The following COL6A5 variants were observed in gnomAD, a reference collection of about 807,000 sequenced individuals.
COL6A5 encodes collagen type VI alpha 5 chain.
In COL6A5, 48 loss-of-function variants were observed where a neutral mutation model predicts 65.6. The ratio of observed to expected loss-of-function variants is 0.73; its 90% CI spans 0.58 to 0.93. The LOEUF (loss-of-function observed/expected upper bound fraction) is 0.93. Ranked by LOEUF, COL6A5 falls within the 40% of genes least tolerant of loss-of-function variation. The pLI, the probability that COL6A5 is intolerant of heterozygous loss-of-function variation, is 0.00. For synonymous variants in COL6A5, 291 were observed against 322.8 expected (o/e 0.90, Z 1.05); for missense variants, 914 against 928.3 (o/e 0.98, Z 0.20).
intron 1 of COL6A5, among the ~76,000 whole-genome samples, chr3:130,351,169 G>A (rs1326583249): frequency 6.6e-6 from 1 of 152,088 alleles, no homozygotes; most frequent in Non-Finnish European, 1.5e-5. Flanking sequence ...AATTCAAGAT[G>A]GATTAAAGAT....
chr3:130,388,644 A>G, exon 6 of COL6A5: 1 of 1,551,180 alleles, frequency 6.4e-7, no homozygotes, highest in Non-Finnish European at 8.7e-7. Flanking sequence ...TAGGAAATGA[A>G]AATTTTAGGA....
intron 1 of COL6A5, among the ~76,000 whole-genome samples, chr3:130,352,226 C>A (rs1286880970): frequency 6.6e-6 from 1 of 151,666 alleles, no homozygotes; most frequent in Non-Finnish European, 1.5e-5. Flanking sequence ...TTGATGGATA[C>A]AGCAAACCAC....
intron 1 of COL6A5, among the ~76,000 whole-genome samples, chr3:130,346,566 A>G (rs1055056467): frequency 2.0e-4 from 30 of 152,302 alleles, no homozygotes; most frequent in African/African-American, 6.7e-4. Flanking sequence ...GAGATTTCCT[A>G]AGAACAGCAC....
intron 1 of COL6A5, among the ~76,000 whole-genome samples, chr3:130,349,257 GAATGGAAT>G (rs1934615747): frequency 6.6e-6 from 1 of 152,230 alleles, no homozygotes; most frequent in Non-Finnish European, 1.5e-5. Flanking sequence ...AACATGAAGA[GAATGGAAT>G]AATGGAATTA....
chr3:130,449,795 C>T (rs112482478), intron 4 of COL6A5, among the ~76,000 whole-genome samples: 3 of 152,274 alleles, frequency 2.0e-5, no homozygotes, highest in Admixed American at 6.5e-5. Context: ...AATTGACTCA[C>T]CGGCCAGAAT....
chr3:130,379,975 T>G, exon 4 of COL6A5: 1 of 1,551,048 alleles, frequency 6.4e-7, no homozygotes, highest in Non-Finnish European at 8.7e-7. Context: ...CAGTACAAAG[T>G]TCCTGAAAAA....
In COL6A5 at chr3:130,366,026, G is replaced by A. The variant is rs145984107; in HGVS notation, c.-28-7585G>A. On this transcript the variant is annotated intron_variant and NMD_transcript_variant, in intron 1 of 41. Coordinates refer to the COL6A5 transcript ENST00000312481. Reference sequence around the variant, plus strand: ...TGAGGCACGCAACCAGACCCCATAAGGGTCCTAGAGCAGGAAAGCAGGCTA... The same window carrying A: ...TGAGGCACGCAACCAGACCCCATAAAGGTCCTAGAGCAGGAAAGCAGGCTA... Among the ~76,000 whole-genome samples the A allele has an allele frequency of 6.7e-3, 1,026 of 152,286 alleles. 5 individuals are homozygous for A. Among genetic ancestry groups the A allele is most frequent in the Non-Finnish European group, 9.2e-3 (626 of 68,010 alleles).
chr3:130,388,529 G>A (rs1237248559), intron 5 of COL6A5, 51 bp from the exon 6 acceptor site: 4 of 1,396,792 alleles, frequency 2.9e-6, no homozygotes, highest in East Asian at 2.5e-5. Flanking sequence ...GTTACTTCAT[G>A]AGAACCTTTC....
exon 8 of COL6A5, chr3:130,395,119 T>C (rs774394815): frequency 1.3e-6 from 2 of 1,551,696 alleles, no homozygotes; most frequent in South Asian, 2.4e-5. Context: ...AAATTCAGAA[T>C]GTCTCCAAGA....
At position 130,444,297 on chromosome 3, in the gene COL6A5, C is replaced by T. The variant is rs529446889; in HGVS notation, c.1332+731C>T. Among the ~76,000 whole-genome samples, 847 of 152,056 alleles carry T rather than the reference C, an allele frequency of 5.6e-3. 6 individuals are homozygous for T. The highest frequency in any genetic ancestry group is 0.019 in the African/African-American group (797 of 41,478). ...GGGTCCTGAGGTGACATACATCCTC[C>T]TCAGCTTACGAGATGACAGGATTAA... On this transcript the variant is annotated intron_variant, in intron 4 of 7. Coordinates refer to ENST00000512836, the Ensembl canonical transcript of COL6A5.
At chr3:130,468,178 A>G (rs1709861556) in intron 5 of COL6A5, among the ~76,000 whole-genome samples, 1 of 152,040 alleles carries the variant, frequency 6.6e-6, no homozygotes, top group South Asian at 2.1e-4. Context: ...GACTTACATC[A>G]TGGTGCAAAC....
At chr3:130,389,085 T>C in exon 6 of COL6A5, 39 of 1,465,998 alleles carry the variant, frequency 2.7e-5, no homozygotes, top group Non-Finnish European at 3.5e-5. Flanking sequence ...ACTTCGATCA[T>C]CTAAAGGCAC....
intron 12 of COL6A5, among the ~76,000 whole-genome samples, chr3:130,402,515 CA>C (rs1936850797): frequency 6.6e-6 from 1 of 151,982 alleles, no homozygotes; most frequent in Non-Finnish European, 1.5e-5. Flanking sequence ...CTAAAAAAAG[CA>C]AAACATAGAA....
At chr3:130,454,710 A>G (rs190208818) in intron 4 of COL6A5, among the ~76,000 whole-genome samples, 1 of 152,286 alleles carries the variant, frequency 6.6e-6, no homozygotes, top group Non-Finnish European at 1.5e-5. Flanking sequence ...GATATGGGTT[A>G]TGTTTTATAT....
At position 130,446,953 on chromosome 3, in the gene COL6A5, G is replaced by A. The variant is rs146716873; in HGVS notation, c.1332+3387G>A. ...CAATGCCAAATGTAATTGGGAGTGG[G>A]GAGTAGTTAAATCATGTTTTGGTTG... is the stretch of plus-strand genomic sequence containing the variant. On this transcript the variant is annotated intron_variant, in intron 4 of 7. Coordinates refer to ENST00000512836, the Ensembl canonical transcript of COL6A5. Among the ~76,000 whole-genome samples the A allele has an allele frequency of 1.3e-3, 205 of 152,190 alleles. 1 individual carries two copies. The highest frequency in any genetic ancestry group is 8.7e-3 in the South Asian group (42 of 4,816).
chr3:130,469,490 T>C lies in COL6A5; in HGVS notation c.2231+9T>C. 6.3e-7 allele frequency: 1 copy of C among 1,592,930 alleles called. No individual in the cohort carries two copies. On this transcript the variant is annotated intron_variant, in intron 6 of 7. Coordinates refer to ENST00000512836, the Ensembl canonical transcript of COL6A5. ...TGTCCATTTAATCAGACGTAAGTCATTAATTCTCTTTGATTGCTTTTGCAA... is the reference window on the plus strand; with the variant it reads ...TGTCCATTTAATCAGACGTAAGTCACTAATTCTCTTTGATTGCTTTTGCAA...
At position 130,384,330 on chromosome 3, in the gene COL6A5, G is replaced by A. The variant is rs577569868; in HGVS notation, c.1301-474G>A. On this transcript the variant is annotated intron_variant and NMD_transcript_variant, in intron 4 of 41. Coordinates refer to the COL6A5 transcript ENST00000312481. ...TTAGTTTTTAAGTTCCAAATGCAAC[G>A]ATAGATCATTTAAGAGGTAGGATAA... 7.2e-5 allele frequency among the ~76,000 whole-genome samples: 11 copies of A among 152,124 alleles called. No homozygotes were observed. In the East Asian group the frequency reaches 1.9e-3, roughly 27 times the overall value.
chr3:130,470,814 G>A, intron 6 of COL6A5, 57 bp from the exon 39 acceptor site: 2 of 1,271,406 alleles, frequency 1.6e-6, no homozygotes, highest in Non-Finnish European at 2.3e-6. Context: ...CTGACTTTGG[G>A]TGAGATAATA....
chr3:130,422,415 A>G (rs2107685491), intron 27 of COL6A5, among the ~76,000 whole-genome samples: 1 of 152,156 alleles, frequency 6.6e-6, no homozygotes. Context: ...CATATAGTCA[A>G]TACTCCAAAT....
Sources: gnomAD v4.1 joint callset for allele counts (sites outside exome capture counted in the v4.1 genomes callset) on GRCh38, gnomAD v4.1.1 for gene constraint, MANE v1.5 for transcripts, NCBI Gene and HGNC (gene_info 2026-07-23, HGNC 2026-07-21) for gene names.